Variants in HACD3 observed in about 807,000 individuals in gnomAD.
HACD3 encodes the protein very-long-chain (3R)-3-hydroxyacyl-CoA dehydratase 3.
In HACD3, 30 loss-of-function variants were observed where a neutral mutation model predicts 55.2. The observed-to-expected ratio is 0.54, with a 90% CI of 0.41 to 0.74. HACD3 has a LOEUF of 0.74. Ranked by LOEUF, HACD3 falls within the 30% of genes least tolerant of loss-of-function variation. The pLI is 0.00. For synonymous variants in HACD3, 141 were observed against 151.7 expected, an observed-to-expected ratio of 0.93 and a Z score of 0.52; for missense variants, 363 against 440.1, an observed-to-expected ratio of 0.82 and a Z score of 1.57.
chr15:65,576,253 T>A (rs2072399793), intron 10 of HACD3, 50 bp from the exon 11 acceptor site: 1 of 1,545,614 alleles, frequency 6.5e-7, no homozygotes, highest in Non-Finnish European at 8.7e-7. Context: ...AGCTTCTGGT[T>A]ATAAATAGAC....
chr15:65,569,496 GC>G (rs2072327749), intron 7 of HACD3, among the ~76,000 whole-genome samples: 1 of 152,124 alleles, frequency 6.6e-6, no homozygotes, highest in Admixed American at 6.5e-5. Flanking sequence ...GATCACTTGA[GC>G]CCAAGAGTTT....
At chr15:65,542,227 C>CAAAAA (rs527287203) in intron 1 of HACD3, among the ~76,000 whole-genome samples, 15 of 63,142 alleles carry the variant, frequency 2.4e-4, no homozygotes, top group East Asian at 1.1e-3. Context: ...GACTCCATCT[C>CAAAAA]AAAAAAAAAA....
chr15:65,550,435 A>C (rs1051356337), intron 1 of HACD3, among the ~76,000 whole-genome samples: 1 of 152,166 alleles, frequency 6.6e-6, no homozygotes, highest in African/African-American at 2.4e-5. Context: ...AATTCCAAGA[A>C]ATAAAGACAG....
chr15:65,562,745 A>C (rs754286968), intron 5 of HACD3, 29 bp from the exon 6 acceptor site: 2 of 1,608,930 alleles, frequency 1.2e-6, no homozygotes, highest in Non-Finnish European at 1.7e-6. Flanking sequence ...ATTGCTTTTA[A>C]TAGCTTACTG....
intron 1 of HACD3, among the ~76,000 whole-genome samples, chr15:65,535,187 T>C (rs1466352882): frequency 2.6e-5 from 4 of 152,128 alleles, no homozygotes; most frequent in African/African-American, 9.7e-5. Context: ...CTTTATAATA[T>C]TGGAAAGGGG....
Position 65,562,705 on chromosome 15 carries a change from T to C in HACD3, c.422-69T>C, listed in dbSNP as rs187174321. ...AAAAAGGGTTGAAGTCATCCAGATATGCCTCATACACCTGTCTCCTGCTGG... is the reference window on the plus strand; with the variant it reads ...AAAAAGGGTTGAAGTCATCCAGATACGCCTCATACACCTGTCTCCTGCTGG... On this transcript the variant is annotated intron_variant, in intron 5 of 10. Transcript: ENST00000261875. 2.6e-5 allele frequency: 40 copies of C among 1,559,788 alleles called. No individual in the cohort carries two copies. In the East Asian group the frequency reaches 8.8e-4, roughly 34 times the overall value.
chr15:65,542,826 A>G (rs2072034463), intron 1 of HACD3, among the ~76,000 whole-genome samples: 1 of 152,152 alleles, frequency 6.6e-6, no homozygotes, highest in Non-Finnish European at 1.5e-5. Context: ...CTGTAATCTC[A>G]GCACTTTGGG....
At chr15:65,539,576 C>T (rs2071999309) in intron 1 of HACD3, among the ~76,000 whole-genome samples, 1 of 152,036 alleles carries the variant, frequency 6.6e-6, no homozygotes, top group Non-Finnish European at 1.5e-5. Context: ...ATTTGGAGAA[C>T]AGTTTTACAC....
Position 65,576,668 on chromosome 15 carries a change from A to C in HACD3, c.*289A>C. On this transcript the variant is annotated 3_prime_UTR_variant, in exon 11 of 11. Coordinates refer to ENST00000261875, the MANE Select transcript of HACD3 (RefSeq NM_016395.4). ...ATCTCATGTTCAGTCTGTCTAATACATGCCAGAGATTTTTTTTTCAAAAAG... is the reference window on the plus strand; with the variant it reads ...ATCTCATGTTCAGTCTGTCTAATACCTGCCAGAGATTTTTTTTTCAAAAAG... 1.1e-5 allele frequency: 4 copies of C among 355,640 alleles called. No homozygotes were observed. Among genetic ancestry groups the C allele is most frequent in the South Asian group, 4.9e-5 (1 of 20,470 alleles). 22.0% of individuals were successfully genotyped at this position (355,640 alleles called of 1,614,324 possible).
rs561856915 is a variant in HACD3, at chr15:65,576,207, A to T, written c.1013-96A>T. On this transcript the variant is annotated intron_variant, in intron 10 of 10. Coordinates refer to ENST00000261875, the MANE Select transcript of HACD3 (RefSeq NM_016395.4). ...CGCTGCAATAAGCTTTTTGCTGTGGAATATGACGACAGCTAGATACTGTCC... is the reference window on the plus strand; with the variant it reads ...CGCTGCAATAAGCTTTTTGCTGTGGTATATGACGACAGCTAGATACTGTCC... 16 of 1,506,366 alleles carry T rather than the reference A, an allele frequency of 1.1e-5. 1 individual carries two copies. In the South Asian group the frequency reaches 2.1e-4, roughly 20 times the overall value. The allele number at this position is 1,506,366 out of a possible 1,614,324, so 93.3% of individuals were successfully genotyped here.
rs192713664 is a variant in HACD3, at chr15:65,562,872, A to G, written c.520A>G (p.Ile174Val). ...TGTCAACCTGACTGTGCGATTCTGT[A>G]TCTTGGGAAAAGGCAAGTAAGACAT... ...IFVNLTVRFC[I>V]LGKESFYDTF... The change falls in exon 6 of 11, where the codon ATC (isoleucine) becomes GTC (valine). Residue 174 changes from isoleucine to valine, a missense_variant. Coordinates refer to ENST00000261875, the MANE Select transcript of HACD3 (RefSeq NM_016395.4). 2.0e-5 allele frequency: 32 copies of G among 1,613,818 alleles called. No homozygotes were observed. Among genetic ancestry groups the G allele is most frequent in the East Asian group, 1.8e-4 (8 of 44,880 alleles).
At chr15:65,564,531 GC>G (rs1444564344) in intron 7 of HACD3, 189 bp downstream of exon 7, 25 of 693,310 alleles carry the variant, frequency 3.6e-5, no homozygotes, top group Non-Finnish European at 5.4e-5. Flanking sequence ...ATGGTGGAGG[GC>G]GAAAGGCACT....
At chr15:65,573,469 T>C (rs2072371391) in intron 10 of HACD3, among the ~76,000 whole-genome samples, 1 of 151,804 alleles carries the variant, frequency 6.6e-6, no homozygotes, top group Admixed American at 6.6e-5. Flanking sequence ...TTGGCTGGGC[T>C]TGGTGGCGCA....
chr15:65,542,798 G>A (rs1380205511), intron 1 of HACD3, among the ~76,000 whole-genome samples: 2 of 151,964 alleles, frequency 1.3e-5, no homozygotes, highest in Admixed American at 6.6e-5. Context: ...AAAACAGGCC[G>A]GGCTTGGTGG....
intron 1 of HACD3, among the ~76,000 whole-genome samples, chr15:65,542,272 A>G (rs1461863714): frequency 3.5e-5 from 5 of 144,472 alleles, no homozygotes. Context: ...TCTGTTTTGT[A>G]TGTTTGTTTG....
chr15:65,550,286 C>G (rs2072119694), intron 1 of HACD3, among the ~76,000 whole-genome samples: 1 of 152,086 alleles, frequency 6.6e-6, no homozygotes, highest in African/African-American at 2.4e-5. Context: ...ACTCAGGAGG[C>G]TGAGGCAGGA....
At chr15:65,557,362 C>G (rs1168521340) in intron 4 of HACD3, among the ~76,000 whole-genome samples, 1 of 151,922 alleles carries the variant, frequency 6.6e-6, no homozygotes, top group East Asian at 1.9e-4. Flanking sequence ...GTAGTCGGAG[C>G]TGCTCAGGAG....
chr15:65,545,979 A>T (rs548835399), intron 1 of HACD3, among the ~76,000 whole-genome samples: 1 of 152,362 alleles, frequency 6.6e-6, no homozygotes, highest in Admixed American at 6.5e-5. Flanking sequence ...CTCTTGAGAC[A>T]TTCCCTCTCG....
Position 65,530,558 on chromosome 15 carries a change from C to G in HACD3, c.-74C>G, listed in dbSNP as rs1220017529. On this transcript the variant is annotated 5_prime_UTR_variant, in exon 1 of 11. Transcript: ENST00000261875. ...TAGGGTTTGAGGCCTGCTTTCTGCT[C>G]GCGCCAGCAGAGCACTACCTGAGGC... The G allele has an allele frequency of 5.1e-6, 7 of 1,371,348 alleles. No homozygotes were observed. Among genetic ancestry groups the G allele is most frequent in the Non-Finnish European group, 5.0e-6 (5 of 1,000,840 alleles). The allele number at this position is 1,371,348 out of a possible 1,614,324, so 84.9% of individuals were successfully genotyped here.
Sources: gnomAD v4.1 joint callset for allele counts (sites outside exome capture counted in the v4.1 genomes callset) on GRCh38, gnomAD v4.1.1 for gene constraint, MANE v1.5 for transcripts, NCBI Gene and HGNC (gene_info 2026-07-23, HGNC 2026-07-21) for gene names.